Variants in SYCE3 observed in about 807,000 individuals in gnomAD.
SYCE3 encodes the protein synaptonemal complex central element protein 3.
In SYCE3, 3 loss-of-function variants were observed where a neutral mutation model predicts 8.1. That is an observed-to-expected ratio of 0.37 (90% confidence interval 0.17 to 0.96). The LOEUF is 0.96. Among genes scored for constraint, SYCE3 ranks in the 40% least tolerant of loss-of-function variants. The pLI is 0.41. For synonymous variants in SYCE3, 36 were observed against 38.7 expected (o/e 0.93, Z 0.26); for missense variants, 83 against 110.0 (o/e 0.75, Z 1.10).
At chr22:50,561,467 G>T (rs868592403) in intron 1 of SYCE3, among the ~76,000 whole-genome samples, 1 of 145,182 alleles carries the variant, frequency 6.9e-6, no homozygotes. Flanking sequence ...GCCTGAGCCC[G>T]CACCAAAGCA....
chr22:50,558,712 G>A (rs1488831131), intron 1 of SYCE3, among the ~76,000 whole-genome samples: 1 of 152,184 alleles, frequency 6.6e-6, no homozygotes, highest in Non-Finnish European at 1.5e-5. Context: ...TGGCAGGGCA[G>A]GGGGCTAATA....
intron 1 of SYCE3, among the ~76,000 whole-genome samples, chr22:50,558,609 T>C (rs1016606110): frequency 6.6e-6 from 1 of 152,156 alleles, no homozygotes; most frequent in Non-Finnish European, 1.5e-5. Context: ...GGTACTTCTG[T>C]GGGCATGGAG....
At chr22:50,561,592 CTT>C (rs2069918507) in intron 1 of SYCE3, among the ~76,000 whole-genome samples, 1 of 141,346 alleles carries the variant, frequency 7.1e-6, no homozygotes, top group Non-Finnish European at 1.5e-5. Flanking sequence ...TTGGGTATCA[CTT>C]TAGGTGTGAA....
Position 50,556,418 on chromosome 22 carries a change from C to G in SYCE3, c.1-13G>C. The G allele has an allele frequency of 5.9e-6, 9 of 1,531,696 alleles. No homozygotes were observed. The highest frequency in any genetic ancestry group is 8.0e-6 in the Non-Finnish European group (9 of 1,130,154). 94.9% of individuals were successfully genotyped at this position (1,531,696 alleles called of 1,614,324 possible). On this transcript the variant is annotated splice_polypyrimidine_tract_variant and intron_variant, in intron 1 of 2. Transcript: ENST00000406915. ...CAGCATCATCCATCTAGGCAATGCACAGAAAGAAGCTGCAGTCAGACAGAC... is the reference window on the plus strand; with the variant it reads ...CAGCATCATCCATCTAGGCAATGCAGAGAAAGAAGCTGCAGTCAGACAGAC...
chr22:50,555,618 C>G (rs1026237386), intron 2 of SYCE3, among the ~76,000 whole-genome samples: 2 of 152,172 alleles, frequency 1.3e-5, no homozygotes, highest in African/African-American at 4.8e-5. Context: ...TGATAAAACT[C>G]TGGTCTCCAC....
intron 2 of SYCE3, among the ~76,000 whole-genome samples, chr22:50,554,984 T>C (rs907430418): frequency 6.6e-6 from 1 of 151,316 alleles, no homozygotes; most frequent in Non-Finnish European, 1.5e-5. Flanking sequence ...TAGCCAGGCG[T>C]GGTGGCGGGC....
Position 50,556,178 on chromosome 22 carries a change from A to G in SYCE3, c.109+119T>C. ...AGCAAGCTGTACCCTGCCAACCTTG[A>G]ACATATGTCCTGAGGACCTCCTGAG... On this transcript the variant is annotated intron_variant, in intron 2 of 2. Coordinates refer to ENST00000406915, the MANE Select transcript of SYCE3 (RefSeq NM_001123225.3). 3 of 666,610 alleles carry G rather than the reference A, an allele frequency of 4.5e-6. No individual in the cohort carries two copies. In the East Asian group the frequency reaches 8.2e-5, roughly 18 times the overall value. 41.3% of individuals were successfully genotyped at this position (666,610 alleles called of 1,614,324 possible).
chr22:50,561,722 A>G (rs1035727764), intron 1 of SYCE3, among the ~76,000 whole-genome samples: 8 of 151,826 alleles, frequency 5.3e-5, no homozygotes, highest in Admixed American at 4.6e-4. Context: ...ATGTGAGGGG[A>G]TAAGAGGGAT....
intron 1 of SYCE3, among the ~76,000 whole-genome samples, chr22:50,562,581 G>T (rs1286062108): frequency 1.3e-5 from 1 of 79,356 alleles, no homozygotes; most frequent in Non-Finnish European, 2.5e-5. Context: ...GCGGGGTGAG[G>T]GGTGAGGCGG....
intron 1 of SYCE3, among the ~76,000 whole-genome samples, chr22:50,559,012 T>G (rs2146598259): frequency 6.6e-6 from 1 of 152,342 alleles, no homozygotes; most frequent in East Asian, 1.9e-4. Flanking sequence ...CCTTGTTCTC[T>G]CCAAACTCTG....
chr22:50,559,538 A>G (rs1467884528), intron 1 of SYCE3, among the ~76,000 whole-genome samples: 1 of 152,190 alleles, frequency 6.6e-6, no homozygotes, highest in East Asian at 1.9e-4. Flanking sequence ...TGTGTTGAGA[A>G]TAGACTAAGG....
chr22:50,559,886 C>A (rs1339328343), intron 1 of SYCE3, among the ~76,000 whole-genome samples: 4 of 152,138 alleles, frequency 2.6e-5, no homozygotes, highest in African/African-American at 7.2e-5. Flanking sequence ...CGAGATCATG[C>A]CACTGCACTC....
chr22:50,561,608 C>T (rs979607564), intron 1 of SYCE3, among the ~76,000 whole-genome samples: 1 of 148,972 alleles, frequency 6.7e-6, no homozygotes, highest in Admixed American at 6.7e-5. Context: ...GTGTGAAGGA[C>T]GGGGGTTGAG....
chr22:50,555,278 T>G (rs2069849103), intron 2 of SYCE3, among the ~76,000 whole-genome samples: 1 of 152,150 alleles, frequency 6.6e-6, no homozygotes, highest in African/African-American at 2.4e-5. Context: ...TATTCATAGT[T>G]CAAAAGTACA....
rs2069859876 is a variant in SYCE3 at position 50,556,303 on chromosome 22, T to C, written c.103A>G (p.Ile35Val). Residue 35 changes from isoleucine (I) to valine (V), a missense_variant, in exon 2 of 3, where the codon ATC becomes GTC. Coordinates refer to ENST00000406915, the MANE Select transcript of SYCE3 (RefSeq NM_001123225.3). ...LEKLLEEMEKISVQATWMAYD... is the reference protein window; with the variant it reads ...LEKLLEEMEKVSVQATWMAYD... ...TTGGGTTCACACATCCTACCTGAGA[T>C]TTTCTCCATCTCTTCTAATAGCTTT... 6.5e-7 allele frequency: 1 copy of C among 1,550,238 alleles called. No individual in the cohort carries two copies.
chr22:50,551,158 CT>C lies in SYCE3; in HGVS notation c.*86del, dbSNP rs2069803260. 2.0e-6 allele frequency: 3 copies of C among 1,482,670 alleles called. No homozygotes were observed. The Admixed American group carries it at 6.1e-5, about 30-fold the overall frequency. 91.8% of individuals were successfully genotyped at this position (1,482,670 alleles called of 1,614,324 possible). ...TAAGAAACAAGTACAGTGCATACAG[CT>C]ATTCATGTGGGTGCCAGCTCCATCC... is the stretch of plus-strand genomic sequence containing the variant. On this transcript the variant is annotated 3_prime_UTR_variant, in exon 3 of 3. Transcript: ENST00000406915.
At chr22:50,560,386 G>A (rs1330524600) in intron 1 of SYCE3, among the ~76,000 whole-genome samples, 1 of 152,120 alleles carries the variant, frequency 6.6e-6, no homozygotes, top group East Asian at 1.9e-4. Flanking sequence ...ACTCAGGAGG[G>A]TGAGGTGGGA....
In SYCE3 at chr22:50,558,317, A is replaced by G. The variant is rs188296551; in HGVS notation, c.1-1912T>C. Among the ~76,000 whole-genome samples, 140 of 151,908 alleles carry G rather than the reference A, an allele frequency of 9.2e-4. 1 individual carries two copies. In the East Asian group the frequency reaches 0.023, roughly 25 times the overall value. On this transcript the variant is annotated intron_variant, in intron 1 of 2. Transcript: ENST00000406915. ...CAGGTGCCTAATCCCAGCTACTGGG[A>G]TTACTGGGGAGGCTGAGGCAGGAGA...
At position 50,556,549 on chromosome 22, in the gene SYCE3, T is replaced by C. The variant is rs1301336758; in HGVS notation, c.1-144A>G. Reference sequence around the variant, plus strand: ...AATACCACGTACTCCACAGGGCTGTTGTGAAGGTTAAATGGGAACATGTCT... The same window carrying C: ...AATACCACGTACTCCACAGGGCTGTCGTGAAGGTTAAATGGGAACATGTCT... On this transcript the variant is annotated intron_variant, in intron 1 of 2. Coordinates refer to ENST00000406915, the MANE Select transcript of SYCE3 (RefSeq NM_001123225.3). 1.8e-5 allele frequency: 11 copies of C among 603,264 alleles called. No homozygotes were observed. The Admixed American group carries it at 2.4e-4, about 13-fold the overall frequency. 37.4% of individuals were successfully genotyped at this position (603,264 alleles called of 1,614,324 possible).
Sources: allele counts gnomAD v4.1 joint callset (sites outside exome capture counted in the v4.1 genomes callset), GRCh38; gene constraint gnomAD v4.1.1; transcripts MANE v1.5; gene names NCBI Gene and HGNC (gene_info 2026-07-23, HGNC 2026-07-21).